Variants in RPTOR observed in about 807,000 individuals in gnomAD.
The protein encoded by RPTOR is regulatory associated protein of MTOR complex 1, also known as regulatory-associated protein of mTOR.
A neutral mutation model predicts 169.9 loss-of-function variants in RPTOR; 21 were observed. That is an observed-to-expected ratio of 0.12 (90% CI 0.09 to 0.18). The LOEUF (loss-of-function observed/expected upper bound fraction) is 0.18, where lower values mean the gene tolerates loss of function less well. RPTOR is among the 10% of genes least tolerant of loss of function. The pLI, the probability that RPTOR is intolerant of heterozygous loss-of-function variation, is 1.00. For missense variants in RPTOR, 1,133 were observed against 1,855.9 expected (o/e 0.61, Z 7.16); for synonymous variants, 732 against 753.2 (o/e 0.97, Z 0.46).
At chr17:80,808,675 C>T (rs1414029791) in intron 7 of RPTOR, among the ~76,000 whole-genome samples, 1 of 152,190 alleles carries the variant, frequency 6.6e-6, no homozygotes, top group Non-Finnish European at 1.5e-5. Context: ...CCCAGTTAAT[C>T]CCTCTCCTTA....
intron 2 of RPTOR, among the ~76,000 whole-genome samples, chr17:80,628,634 C>T (rs1018739325): frequency 8.6e-5 from 13 of 151,754 alleles, no homozygotes; most frequent in African/African-American, 2.7e-4. Context: ...GGAATTTATT[C>T]TCCCCACCCT....
rs112363274 is a variant in RPTOR, at chr17:80,927,207, G to T, written c.2919+1727G>T. 2.8e-4 allele frequency among the ~76,000 whole-genome samples: 42 copies of T among 152,364 alleles called. 2 individuals carry two copies. Among genetic ancestry groups the T allele is most frequent in the African/African-American group, 8.9e-4 (37 of 41,594 alleles). ...TGCCAGGCCGTCCTCTAGAACTGCGGCCCAGTCTGTTGAAAAGTCAATGGA... is the reference window on the plus strand; with the variant it reads ...TGCCAGGCCGTCCTCTAGAACTGCGTCCCAGTCTGTTGAAAAGTCAATGGA... On this transcript the variant is annotated intron_variant, in intron 24 of 33. Coordinates refer to ENST00000306801, the MANE Select transcript of RPTOR (RefSeq NM_020761.3).
intron 4 of RPTOR, among the ~76,000 whole-genome samples, chr17:80,729,063 G>A (rs193029946): frequency 7.2e-5 from 11 of 152,326 alleles, no homozygotes; most frequent in Admixed American, 4.6e-4. Flanking sequence ...GTATCATCAT[G>A]TCTGAGATAT....
At chr17:80,573,952 CT>C (rs1599563489) in intron 1 of RPTOR, among the ~76,000 whole-genome samples, 1 of 152,194 alleles carries the variant, frequency 6.6e-6, no homozygotes, top group African/African-American at 2.4e-5. Context: ...CTACAGCTGT[CT>C]GCCCACATGC....
Position 80,960,330 on chromosome 17 carries a change from C to T in RPTOR, c.3605+125C>T. On this transcript the variant is annotated intron_variant, in intron 30 of 33. Transcript: ENST00000306801. The surrounding 1 kb of genome is among the most constrained non-coding windows in gnomAD (Gnocchi z 4.8). Reference sequence around the variant, plus strand: ...TGAGATGCAAAGCTTCCCCAGGAGCCTGCAGTGGCGTATTTAGGCCAGTCC... The same window carrying T: ...TGAGATGCAAAGCTTCCCCAGGAGCTTGCAGTGGCGTATTTAGGCCAGTCC... 1 of 1,333,042 alleles carries T rather than the reference C, an allele frequency of 7.5e-7. No individual in the cohort carries two copies. The highest frequency in any genetic ancestry group is 1.4e-5 in the South Asian group (1 of 73,700). 82.6% of individuals were successfully genotyped at this position (1,333,042 alleles called of 1,614,324 possible). A position where few individuals can be genotyped will look rare whatever the true frequency, so the allele number is the denominator to read the frequency against.
chr17:80,618,944 C>G (rs2065334248), intron 1 of RPTOR, among the ~76,000 whole-genome samples: 1 of 152,182 alleles, frequency 6.6e-6, no homozygotes, highest in South Asian at 2.1e-4. Flanking sequence ...GGCAAACTGG[C>G]TTTTCCTTCT....
At chr17:80,787,738 TG>T (rs1305836136) in intron 6 of RPTOR, among the ~76,000 whole-genome samples, 1 of 152,214 alleles carries the variant, frequency 6.6e-6, no homozygotes, top group Admixed American at 6.5e-5. Context: ...TCGTGTAGCC[TG>T]GATTTGCGTT....
At chr17:80,902,131 C>G (rs1448448241) in intron 20 of RPTOR, among the ~76,000 whole-genome samples, 1 of 152,198 alleles carries the variant, frequency 6.6e-6, no homozygotes, top group African/African-American at 2.4e-5. Flanking sequence ...TCAATCCCTC[C>G]TATTTCCAGT....
intron 6 of RPTOR, among the ~76,000 whole-genome samples, chr17:80,782,882 T>C (rs1358452228): frequency 6.6e-6 from 1 of 152,206 alleles, no homozygotes; most frequent in Non-Finnish European, 1.5e-5. Flanking sequence ...CACATTAATA[T>C]TTGAATCGGG....
At chr17:80,561,891 TGA>T (rs750750538) in intron 1 of RPTOR, among the ~76,000 whole-genome samples, 4 of 152,174 alleles carry the variant, frequency 2.6e-5, no homozygotes, top group Admixed American at 1.3e-4. Flanking sequence ...TGTGTGTGTG[TGA>T]GTCTGTGTGT....
rs887290263 is a variant in RPTOR at position 80,704,923 on chromosome 17, A to T, written c.349-2918A>T. ...GAAAGGGTTCAAGAAGGAATTTTGTAGGAGAGCTGGGCATTGAACAGGCTC... is the reference window on the plus strand; with the variant it reads ...GAAAGGGTTCAAGAAGGAATTTTGTTGGAGAGCTGGGCATTGAACAGGCTC... On this transcript the variant is annotated intron_variant, in intron 3 of 33. Transcript: ENST00000306801. Among the ~76,000 whole-genome samples the T allele has an allele frequency of 4.6e-5, 7 of 152,404 alleles. No individual in the cohort carries two copies. The East Asian group carries it at 1.3e-3, about 29-fold the overall frequency.
chr17:80,825,993 G>A (rs7212390), intron 9 of RPTOR, among the ~76,000 whole-genome samples: 23,023 of 152,106 alleles, frequency 0.15, 1,811 homozygotes, highest in Middle Eastern at 0.22. Context: ...AGGGGTGGGC[G>A]GAGAGAAGTC....
chr17:80,828,586 G>A (rs990411458), intron 9 of RPTOR, among the ~76,000 whole-genome samples: 1 of 152,184 alleles, frequency 6.6e-6, no homozygotes, highest in African/African-American at 2.4e-5. Flanking sequence ...TACAGTGCTG[G>A]CCCCGGTGGC....
At chr17:80,851,755 A>C (rs573276093) in intron 11 of RPTOR, among the ~76,000 whole-genome samples, 1 of 152,364 alleles carries the variant, frequency 6.6e-6, no homozygotes, top group African/African-American at 2.4e-5. Context: ...TAAGGAGCAC[A>C]TTCTAAGGAG....
In RPTOR at chr17:80,908,933, C is replaced by A; in HGVS notation, c.2520+4C>A. The A allele has an allele frequency of 6.2e-7, 1 of 1,603,466 alleles. No homozygotes were observed. Among genetic ancestry groups the A allele is most frequent in the Non-Finnish European group, 8.5e-7 (1 of 1,170,948 alleles). On this transcript the variant is annotated splice_donor_region_variant and intron_variant, in intron 21 of 33. Transcript: ENST00000306801. ...ACTCAACAGCATCGCCTACAAGGTA[C>A]GTGCCGGGCGCTCCCCACCGCGCTC...
chr17:80,952,055 C>G (rs1017604622), intron 28 of RPTOR, among the ~76,000 whole-genome samples: 5 of 152,148 alleles, frequency 3.3e-5, no homozygotes, highest in Non-Finnish European at 7.4e-5. Flanking sequence ...AGGGAGGGCC[C>G]GAGTTCCAGC....
chr17:80,658,540 T>A (rs572374705), intron 3 of RPTOR, among the ~76,000 whole-genome samples: 1 of 152,320 alleles, frequency 6.6e-6, no homozygotes, highest in South Asian at 2.1e-4. Flanking sequence ...TACGGAGATG[T>A]TCTTAGCTGT....
At chr17:80,836,069 G>A (rs911476903) in intron 9 of RPTOR, among the ~76,000 whole-genome samples, 2 of 152,128 alleles carry the variant, frequency 1.3e-5, no homozygotes, top group Non-Finnish European at 2.9e-5. Context: ...TAGAGAGAGA[G>A]CCACGCGCCC....
At position 80,633,008 on chromosome 17, in the gene RPTOR, G is replaced by T. The variant is rs898605945; in HGVS notation, c.265+7215G>T. ...AGACAGGGTCTCACTTTGTTGCTCAGGCTGGTCTCGAACTCCTGGGCTCAA... is the reference window on the plus strand; with the variant it reads ...AGACAGGGTCTCACTTTGTTGCTCATGCTGGTCTCGAACTCCTGGGCTCAA... On this transcript the variant is annotated intron_variant, in intron 2 of 33. Coordinates refer to ENST00000306801, the MANE Select transcript of RPTOR (RefSeq NM_020761.3). The surrounding 1 kb of genome is among the most constrained non-coding windows in gnomAD (Gnocchi z 4.1). 6.6e-6 allele frequency among the ~76,000 whole-genome samples: 1 copy of T among 151,916 alleles called. No individual in the cohort carries two copies. Among genetic ancestry groups the T allele is most frequent in the Non-Finnish European group, 1.5e-5 (1 of 68,002 alleles).
Sources: gnomAD v4.1 joint callset for allele counts (sites outside exome capture counted in the v4.1 genomes callset) on GRCh38, gnomAD v4.1.1 for gene constraint, Gnocchi (gnomAD v3.1) non-coding constraint, MANE v1.5 for transcripts, NCBI Gene and HGNC (gene_info 2026-07-23, HGNC 2026-07-21) for gene names.